The following EYS variants were observed in gnomAD, a reference collection of about 807,000 sequenced individuals.
EYS encodes protein eyes shut homolog.
EYS carries 250 observed loss-of-function variants against 282.1 expected under a neutral mutation model. That is an observed-to-expected ratio of 0.89 (90% confidence interval 0.80 to 0.98). EYS has a LOEUF of 0.98. EYS is among the 50% of genes least tolerant of loss of function. EYS has a pLI of 0.00. For synonymous variants in EYS, 1,355 were observed against 1,282.9 expected (o/e 1.06, Z -1.20); for missense variants, 4,016 against 3,709.0 (o/e 1.08, Z -2.15).
At chr6:64,960,500 T>C (rs897625483) in intron 14 of EYS, among the ~76,000 whole-genome samples, 1 of 152,146 alleles carries the variant, frequency 6.6e-6, no homozygotes, top group African/African-American at 2.4e-5. Context: ...TTCCAAATTA[T>C]TTATAGGTTT....
intron 10 of EYS, among the ~76,000 whole-genome samples, chr6:65,343,443 G>T (rs1770272177): frequency 6.6e-6 from 1 of 151,118 alleles, no homozygotes; most frequent in African/African-American, 2.4e-5. Context: ...TGTTTAAAAT[G>T]AAGATTCTTA....
chr6:63,834,434 C>T (rs1328293606), intron 36 of EYS, among the ~76,000 whole-genome samples: 2 of 151,998 alleles, frequency 1.3e-5, no homozygotes, highest in African/African-American at 4.8e-5. Flanking sequence ...TTCATACAGG[C>T]AACAGACACA....
intron 35 of EYS, among the ~76,000 whole-genome samples, chr6:63,941,616 C>T (rs969805063): frequency 6.6e-6 from 1 of 152,056 alleles, no homozygotes; most frequent in African/African-American, 2.4e-5. Context: ...CAGATAAGTG[C>T]CCTATTCTGG....
At chr6:64,088,584 G>A (rs539789210) in intron 31 of EYS, among the ~76,000 whole-genome samples, 134 of 151,980 alleles carry the variant, frequency 8.8e-4, no homozygotes, top group African/African-American at 3.1e-3. Context: ...AGCTATGAAA[G>A]CACAGTATTG....
intron 31 of EYS, among the ~76,000 whole-genome samples, chr6:64,207,914 C>G (rs1765657070): frequency 6.6e-6 from 1 of 152,140 alleles, no homozygotes; most frequent in East Asian, 1.9e-4. Flanking sequence ...TTGCCTTGAC[C>G]TCCCAAATTG....
At chr6:64,544,693 C>A (rs1348125440) in intron 26 of EYS, among the ~76,000 whole-genome samples, 1 of 152,040 alleles carries the variant, frequency 6.6e-6, no homozygotes, top group Non-Finnish European at 1.5e-5. Context: ...GGGGATATCA[C>A]CACCAATCCC....
intron 22 of EYS, among the ~76,000 whole-genome samples, chr6:64,644,282 C>G (rs1473275256): frequency 6.6e-6 from 1 of 150,966 alleles, no homozygotes; most frequent in East Asian, 2.0e-4. Flanking sequence ...TTTTATGAGC[C>G]ATAAAAATTC....
At chr6:64,828,785 C>T (rs1221587483) in intron 19 of EYS, among the ~76,000 whole-genome samples, 4 of 151,990 alleles carry the variant, frequency 2.6e-5, no homozygotes, top group African/African-American at 9.7e-5. Flanking sequence ...GCAACAGAAG[C>T]TCATCCTAAG....
chr6:63,957,229 T>C (rs984320786), intron 35 of EYS, among the ~76,000 whole-genome samples: 12 of 120,396 alleles, frequency 1.0e-4, no homozygotes, highest in African/African-American at 2.6e-4. Context: ...ACAGTGAAAT[T>C]ACCAACAAAA....
At chr6:65,310,513 T>C (rs369188776) in intron 11 of EYS, among the ~76,000 whole-genome samples, 13 of 152,106 alleles carry the variant, frequency 8.5e-5, no homozygotes, top group African/African-American at 3.1e-4. Flanking sequence ...CTAACCCTGG[T>C]TAGTCAAAAA....
intron 2 of EYS, among the ~76,000 whole-genome samples, chr6:65,619,872 G>A (rs148673494): frequency 7.4e-4 from 112 of 151,062 alleles, no homozygotes; most frequent in African/African-American, 2.7e-3. Context: ...ATTTGCGTAT[G>A]TTGAACCAGC....
chr6:64,800,185 G>C (rs1481061333), intron 22 of EYS, among the ~76,000 whole-genome samples: 1 of 151,966 alleles, frequency 6.6e-6, no homozygotes, highest in Non-Finnish European at 1.5e-5. Flanking sequence ...AAGAAATAAA[G>C]TATGCTGCAA....
intron 35 of EYS, among the ~76,000 whole-genome samples, chr6:63,968,338 G>A (rs539722546): frequency 6.6e-5 from 10 of 152,206 alleles, no homozygotes; most frequent in South Asian, 6.2e-4. Flanking sequence ...CTTTATTTTC[G>A]TAGTCTTGGT....
At chr6:65,590,230 A>G (rs1037397730) in intron 2 of EYS, among the ~76,000 whole-genome samples, 1 of 152,070 alleles carries the variant, frequency 6.6e-6, no homozygotes, top group South Asian at 2.1e-4. Flanking sequence ...TTCCACTACC[A>G]CAGTACCCAA....
At chr6:64,852,305 G>T (rs1188743305) in intron 19 of EYS, among the ~76,000 whole-genome samples, 1 of 152,140 alleles carries the variant, frequency 6.6e-6, no homozygotes, top group African/African-American at 2.4e-5. Context: ...GTAATCAGCT[G>T]CCAGCATGGC....
chr6:65,145,433 G>T (rs953196607), intron 12 of EYS, among the ~76,000 whole-genome samples: 1 of 151,264 alleles, frequency 6.6e-6, no homozygotes, highest in African/African-American at 2.4e-5. Flanking sequence ...TTAGGTATTT[G>T]TGTCTAAAAG....
At chr6:65,298,453 C>CTATTTTTATATTTCATTATATTTCATG (rs1582113753) in intron 11 of EYS, among the ~76,000 whole-genome samples, 1 of 151,792 alleles carries the variant, frequency 6.6e-6, no homozygotes, top group Admixed American at 6.6e-5. Flanking sequence ...GGTAATTGAC[C>CTATTTTTATATTTCATTATATTTCATG]TATTTTTATA....
At chr6:64,889,373 TTATCTTGA>T (rs1390178481) in intron 18 of EYS, among the ~76,000 whole-genome samples, 1 of 151,998 alleles carries the variant, frequency 6.6e-6, no homozygotes, top group African/African-American at 2.4e-5. Context: ...GTCTGTATAG[TTATCTTGA>T]AGATACATGA....
intron 11 of EYS, among the ~76,000 whole-genome samples, chr6:65,302,225 T>C (rs1768862162): frequency 6.6e-6 from 1 of 152,216 alleles, no homozygotes; most frequent in Admixed American, 6.5e-5. Flanking sequence ...GTTTGAATTG[T>C]GGCTGAGAGG....
Sources: gnomAD v4.1 joint callset for allele counts (sites outside exome capture counted in the v4.1 genomes callset) on GRCh38, gnomAD v4.1.1 for gene constraint, MANE v1.5 for transcripts, NCBI Gene and HGNC (gene_info 2026-07-23, HGNC 2026-07-21) for gene names.